Variants in MOK observed in about 807,000 individuals in gnomAD.
The protein encoded by MOK is MAPK/MAK/MRK overlapping kinase.
Under a neutral mutation model 54.2 loss-of-function variants are expected in MOK, and 59 were observed. The ratio of observed to expected loss-of-function variants is 1.09; its 90% confidence interval spans 0.88 to 1.35. The LOEUF is 1.35. Among genes scored for constraint, MOK ranks in the 40% most tolerant of loss-of-function variants. The pLI, the probability that MOK is intolerant of heterozygous loss-of-function variation, is 0.00. For missense variants in MOK, 517 were observed against 526.2 expected, an observed-to-expected ratio of 0.98 and a Z score of 0.17; for synonymous variants, 210 against 202.7, an observed-to-expected ratio of 1.04 and a Z score of -0.31.
Position 102,245,184 on chromosome 14 carries a change from T to G in MOK, c.590+5628A>C. ...ACCAATCATTCTATATGACAAATGC[T>G]CCTTCTAAGAACCCCACAATACCAC... On this transcript the variant is annotated intron_variant, in intron 7 of 11. Coordinates refer to ENST00000361847, the MANE Select transcript of MOK (RefSeq NM_014226.3). This position sits in a 1 kb window ranked among gnomAD's most constrained non-coding sequence, Gnocchi z 4.3. Among the ~76,000 whole-genome samples the G allele has an allele frequency of 6.6e-6, 1 of 151,808 alleles. No individual in the cohort carries two copies.
intron 3 of MOK, chr14:102,264,601 T>C (rs1448346395): frequency 6.6e-6 from 1 of 152,236 alleles, no homozygotes; most frequent in Admixed American, 6.5e-5. Flanking sequence ...GTAAAGTGCG[T>C]GGGAAGTGCA....
chr14:102,294,492 G>A (rs868138208), intron 1 of MOK, among the ~76,000 whole-genome samples: 4 of 151,928 alleles, frequency 2.6e-5, no homozygotes, highest in African/African-American at 4.8e-5. Flanking sequence ...ATGCGTGCCT[G>A]TAGCCCCGGC....
chr14:102,286,975 GAATT>G (rs1365234386), intron 1 of MOK, among the ~76,000 whole-genome samples: 2 of 151,522 alleles, frequency 1.3e-5, no homozygotes, highest in Admixed American at 6.6e-5. Flanking sequence ...CACACACACA[GAATT>G]AATACTGGCT....
chr14:102,217,509 G>C, the MOK span, among the ~76,000 whole-genome samples: 5 of 152,222 alleles, frequency 3.3e-5, no homozygotes, highest in Non-Finnish European at 5.9e-5. Context: ...ACAGGTTAAA[G>C]CTGGCAGAGG....
intron 4 of MOK, among the ~76,000 whole-genome samples, chr14:102,256,263 CT>C (rs1039710729): frequency 7.4e-5 from 11 of 148,202 alleles, no homozygotes; most frequent in South Asian, 2.1e-4. Flanking sequence ...CACCCGGATG[CT>C]TTTTTTTTTA....
chr14:102,249,709 C>CA lies in MOK; in HGVS notation c.590+1102dup, dbSNP rs1043786656. Among the ~76,000 whole-genome samples the CA allele has an allele frequency of 1.3e-5, 2 of 152,088 alleles. No individual in the cohort carries two copies. The highest frequency in any genetic ancestry group is 6.5e-5 in the Admixed American group (1 of 15,274). The stretch of plus-strand genomic sequence containing the variant: ...AGGCAACAAGAGCAAAACTCCATCT[C>CA]AAAAAAATAAATACAGATTTTAAAC... On this transcript the variant is annotated intron_variant, in intron 7 of 11. Transcript: ENST00000361847. This position sits in a 1 kb window ranked among gnomAD's most constrained non-coding sequence, Gnocchi z 5.3.
chr14:102,303,060 C>T (rs2072418220), intron 1 of MOK, among the ~76,000 whole-genome samples: 1 of 151,540 alleles, frequency 6.6e-6, no homozygotes, highest in South Asian at 2.1e-4. Flanking sequence ...ACTTGGGAGG[C>T]TGAGGTAGGA....
In MOK at chr14:102,248,724, G is replaced by C. The variant is rs113242650; in HGVS notation, c.590+2088C>G. Among the ~76,000 whole-genome samples, 421 of 140,848 alleles carry C rather than the reference G, an allele frequency of 3.0e-3. 2 individuals are homozygous for C. Among genetic ancestry groups the C allele is most frequent in the African/African-American group, 9.5e-3 (356 of 37,440 alleles). The allele number at this position is 140,848 out of a possible 152,430, so 92.4% of individuals were successfully genotyped here. A position where few individuals can be genotyped will look rare whatever the true frequency, so the allele number is the denominator to read the frequency against. On this transcript the variant is annotated intron_variant, in intron 7 of 11. Coordinates refer to ENST00000361847, the MANE Select transcript of MOK (RefSeq NM_014226.3). Reference sequence around the variant, plus strand: ...ACCTGGGAGGCGGAGCTTGCAGTGAGCCCAGATCGCGCCACTGCACTCCAG... The same window carrying C: ...ACCTGGGAGGCGGAGCTTGCAGTGACCCCAGATCGCGCCACTGCACTCCAG...
Position 102,240,997 on chromosome 14 carries a change from C to T in MOK, c.591-7208G>A, listed in dbSNP as rs564554347. Among the ~76,000 whole-genome samples the T allele has an allele frequency of 6.6e-6, 1 of 152,260 alleles. No individual in the cohort carries two copies. The highest frequency in any genetic ancestry group is 2.4e-5 in the African/African-American group (1 of 41,542). On this transcript the variant is annotated intron_variant, in intron 7 of 11. Transcript: ENST00000361847. This position sits in a 1 kb window ranked among gnomAD's most constrained non-coding sequence, Gnocchi z 5.4. The stretch of plus-strand genomic sequence containing the variant: ...ACACCACTTGGCCCCAATACAAACT[C>T]GATAATGGTTCTAAACAGCCAGAAA...
intron 2 of MOK, among the ~76,000 whole-genome samples, chr14:102,277,619 A>G (rs1422236337): frequency 7.1e-6 from 1 of 141,698 alleles, no homozygotes; most frequent in South Asian, 2.6e-4. Context: ...CTCCGTCTCA[A>G]AAAAAAAAAA....
intron 4 of MOK, among the ~76,000 whole-genome samples, chr14:102,255,614 C>T (rs1221736299): frequency 3.3e-5 from 5 of 152,150 alleles, no homozygotes; most frequent in African/African-American, 1.2e-4. Flanking sequence ...GTCTGAAGTG[C>T]TGGAGACCAC....
At position 102,230,034 on chromosome 14, in the gene MOK, GTTTT is replaced by G. The variant is rs1026376795; in HGVS notation, c.982-381_982-378del. On this transcript the variant is annotated intron_variant, in intron 10 of 11. Transcript: ENST00000361847. This position sits in a 1 kb window ranked among gnomAD's most constrained non-coding sequence, Gnocchi z 4.1. ...AGCTAAGGATGGTTTTACATTTGGG[GTTTT>G]TTGTTTGTTTGTTTGTTTTGAGACA... 2.6e-4 allele frequency: 56 copies of G among 218,888 alleles called. No individual in the cohort carries two copies. Among genetic ancestry groups the G allele is most frequent in the African/African-American group, 9.6e-4 (42 of 43,548 alleles). The allele number at this position is 218,888 out of a possible 1,614,324, so 13.6% of individuals were successfully genotyped here.
chr14:102,291,872 T>C (rs559004387), intron 1 of MOK, among the ~76,000 whole-genome samples: 1 of 151,552 alleles, frequency 6.6e-6, no homozygotes, highest in Admixed American at 6.6e-5. Context: ...ACAGAAGAAC[T>C]GTCTGAACCT....
downstream of MOK, chr14:102,222,728 A>G (rs1362827492): frequency 1.4e-5 from 18 of 1,252,652 alleles, no homozygotes; most frequent in East Asian, 4.2e-4. The surrounding 1 kb of genome is among the most constrained non-coding windows in gnomAD (Gnocchi z 4.4). Flanking sequence ...CCACATCAAC[A>G]GCACCAGTTT....
At chr14:102,278,389 A>C (rs1231970611) in intron 2 of MOK, among the ~76,000 whole-genome samples, 1 of 152,050 alleles carries the variant, frequency 6.6e-6, no homozygotes, top group Non-Finnish European at 1.5e-5. Flanking sequence ...AGTAAAAAAA[A>C]AAAAAAAGGC....
chr14:102,219,448 A>G, the MOK span, among the ~76,000 whole-genome samples: 3 of 152,204 alleles, frequency 2.0e-5, no homozygotes, highest in African/African-American at 4.8e-5. Flanking sequence ...ATGCCAACGC[A>G]GGGCCACAGC....
chr14:102,215,392 C>T, the MOK span, among the ~76,000 whole-genome samples: 1 of 152,184 alleles, frequency 6.6e-6, no homozygotes, highest in African/African-American at 2.4e-5. Context: ...GGACATCCGA[C>T]ATTCTGTCCA....
At chr14:102,294,697 G>C (rs2071244545) in intron 1 of MOK, among the ~76,000 whole-genome samples, 1 of 152,074 alleles carries the variant, frequency 6.6e-6, no homozygotes, top group South Asian at 2.1e-4. Context: ...AAGGAATTCA[G>C]ATTTAAGAGA....
At chr14:102,272,928 C>T (rs1783488195) in intron 2 of MOK, among the ~76,000 whole-genome samples, 1 of 152,102 alleles carries the variant, frequency 6.6e-6, no homozygotes, top group Admixed American at 6.6e-5. Flanking sequence ...TCCCAGCACT[C>T]TGGGAGGCCA....
Sources: allele counts gnomAD v4.1 joint callset (sites outside exome capture counted in the v4.1 genomes callset), GRCh38; gene constraint gnomAD v4.1.1; non-coding constraint Gnocchi (gnomAD v3.1); transcripts MANE v1.5; gene names NCBI Gene and HGNC (gene_info 2026-07-23, HGNC 2026-07-21).